STAMBPL1: variants seen among roughly 807,000 people sequenced by gnomAD.
STAMBPL1 encodes STAM binding protein like 1.
STAMBPL1 carries 44 observed loss-of-function variants against 52.9 expected under a neutral mutation model. That is an observed-to-expected ratio of 0.83 (90% CI 0.65 to 1.07). The LOEUF is 1.07. Among genes scored for constraint, STAMBPL1 ranks in the 50% least tolerant of loss-of-function variants. The pLI is 0.00. For synonymous variants in STAMBPL1, 164 were observed against 177.3 expected (o/e 0.92, Z 0.60); for missense variants, 511 against 520.8 (o/e 0.98, Z 0.18).
At chr10:88,912,026 C>T (rs927222285) in intron 5 of STAMBPL1, among the ~76,000 whole-genome samples, 3 of 152,022 alleles carry the variant, frequency 2.0e-5, no homozygotes, top group East Asian at 1.9e-4. Flanking sequence ...GCCTTTGATA[C>T]CAGTCACTTC....
intron 7 of STAMBPL1, among the ~76,000 whole-genome samples, chr10:88,915,394 C>T (rs1023467112): frequency 4.6e-5 from 7 of 152,158 alleles, no homozygotes; most frequent in Admixed American, 3.9e-4. Context: ...ATTCAGTACA[C>T]AATCTCCTGC....
intron 1 of STAMBPL1, among the ~76,000 whole-genome samples, chr10:88,881,526 C>G (rs1260871120): frequency 6.6e-6 from 1 of 152,100 alleles, no homozygotes; most frequent in Non-Finnish European, 1.5e-5. Flanking sequence ...TCATTACTGA[C>G]AATAACATGA....
intron 5 of STAMBPL1, among the ~76,000 whole-genome samples, chr10:88,911,229 C>T (rs1845216053): frequency 6.6e-6 from 1 of 152,146 alleles, no homozygotes; most frequent in African/African-American, 2.4e-5. Flanking sequence ...TCTAACAAAG[C>T]AATGTGTTAG....
chr10:88,896,657 T>G (rs2133149495), intron 1 of STAMBPL1, among the ~76,000 whole-genome samples: 1 of 152,232 alleles, frequency 6.6e-6, no homozygotes, highest in Admixed American at 6.5e-5. Context: ...GGCACTCAAG[T>G]CAAAAGAAGT....
At chr10:88,910,767 A>G in intron 4 of STAMBPL1, 149 bp from the exon 5 acceptor site, 1 of 510,058 alleles carries the variant, frequency 2.0e-6, no homozygotes, top group Non-Finnish European at 3.4e-6. Flanking sequence ...TTGGACCCAT[A>G]AAAAAGAGAT....
intron 5 of STAMBPL1, 48 bp from the exon 6 acceptor site, chr10:88,913,053 G>A (rs1350176663): frequency 1.4e-6 from 2 of 1,474,900 alleles, no homozygotes; most frequent in African/African-American, 2.8e-5. Context: ...CCAGTTCAAT[G>A]TTTCTCCTTG....
Position 88,901,640 on chromosome 10 carries a change from C to G in STAMBPL1, c.-53-16C>G. On this transcript the variant is annotated splice_polypyrimidine_tract_variant and intron_variant, in intron 1 of 10. Coordinates refer to ENST00000371926, the MANE Select transcript of STAMBPL1 (RefSeq NM_020799.4). ...TCAAAAAATAACTTTAGTTCTGCTT[C>G]TTGTTTTTGAAACAGATGAAGTGAT... is the stretch of plus-strand genomic sequence containing the variant. 1 of 1,540,406 alleles carries G rather than the reference C, an allele frequency of 6.5e-7. No individual in the cohort carries two copies. Among genetic ancestry groups the G allele is most frequent in the Non-Finnish European group, 8.8e-7 (1 of 1,132,816 alleles).
chr10:88,896,464 A>G (rs1274569392), intron 1 of STAMBPL1, among the ~76,000 whole-genome samples: 5 of 152,192 alleles, frequency 3.3e-5, no homozygotes, highest in Non-Finnish European at 1.5e-5. Flanking sequence ...AGGCTGAGTT[A>G]CAATAATTTT....
chr10:88,917,485 C>T (rs754607693), intron 8 of STAMBPL1, among the ~76,000 whole-genome samples: 2 of 152,038 alleles, frequency 1.3e-5, no homozygotes, highest in Non-Finnish European at 2.9e-5. Flanking sequence ...ACTATAGGAG[C>T]ATTGGCAAGT....
intron 1 of STAMBPL1, chr10:88,882,495 A>G (rs2133108300): frequency 6.6e-6 from 1 of 152,320 alleles, no homozygotes. Flanking sequence ...TACAGCTACA[A>G]TCCAAGAAAT....
chr10:88,917,007 A>T (rs1589378515), intron 8 of STAMBPL1, among the ~76,000 whole-genome samples, 190 bp downstream of exon 8: 1 of 152,202 alleles, frequency 6.6e-6, no homozygotes, highest in South Asian at 2.1e-4. Context: ...AATAAAGGTC[A>T]TCATATTATA....
At chr10:88,918,292 C>A (rs1298932800) in intron 8 of STAMBPL1, among the ~76,000 whole-genome samples, 1 of 145,818 alleles carries the variant, frequency 6.9e-6, no homozygotes, top group African/African-American at 2.6e-5. Context: ...CACACACACA[C>A]ACACACACAC....
chr10:88,916,936 A>T, intron 8 of STAMBPL1, 119 bp downstream of exon 8: 1 of 1,117,496 alleles, frequency 8.9e-7, no homozygotes, highest in Non-Finnish European at 1.2e-6. Context: ...CAAATGTAAT[A>T]AAGGTTGTCA....
At chr10:88,908,622 G>T in intron 3 of STAMBPL1, 80 bp from the exon 4 acceptor site, 1 of 1,164,282 alleles carries the variant, frequency 8.6e-7, no homozygotes, top group Non-Finnish European at 1.2e-6. Context: ...TTTTGAAAAA[G>T]GATCCTCATT....
intron 1 of STAMBPL1, among the ~76,000 whole-genome samples, chr10:88,883,128 C>T (rs1023201319): frequency 2.7e-5 from 4 of 150,294 alleles, no homozygotes; most frequent in African/African-American, 7.3e-5. Context: ...TTTGCCCTTG[C>T]GATAGTTTGC....
At position 88,901,663 on chromosome 10, in the gene STAMBPL1, G is replaced by T; in HGVS notation, c.-46G>T. ...TTCTTGTTTTTGAAACAGATGAAGT[G>T]ATTGAGAAGAAACAGTGAACATCCT... On this transcript the variant is annotated 5_prime_UTR_variant, in exon 2 of 11. The change abolishes the stop of an existing upstream ORF in the 5' untranslated region. Transcript: ENST00000371926. 2 of 1,589,276 alleles carry T rather than the reference G, an allele frequency of 1.3e-6. No individual in the cohort carries two copies. The highest frequency in any genetic ancestry group is 2.3e-5 in the South Asian group (2 of 86,984).
intron 1 of STAMBPL1, among the ~76,000 whole-genome samples, chr10:88,888,957 T>A (rs1024181656): frequency 2.6e-5 from 4 of 152,238 alleles, no homozygotes; most frequent in Admixed American, 2.0e-4. Flanking sequence ...TCAGTAAATG[T>A]TGTTCCAGAC....
At chr10:88,889,218 A>G (rs969149158) in intron 1 of STAMBPL1, among the ~76,000 whole-genome samples, 11 of 152,158 alleles carry the variant, frequency 7.2e-5, no homozygotes, top group African/African-American at 2.7e-4. Context: ...GTGTGTGTGT[A>G]TATATTAAAT....
chr10:88,899,354 TG>T (rs1844888501), intron 1 of STAMBPL1, among the ~76,000 whole-genome samples: 1 of 152,116 alleles, frequency 6.6e-6, no homozygotes, highest in Non-Finnish European at 1.5e-5. Flanking sequence ...ATCCTTAGGG[TG>T]GGTCTTAGGA....
Sources: allele counts gnomAD v4.1 joint callset (sites outside exome capture counted in the v4.1 genomes callset), GRCh38; gene constraint gnomAD v4.1.1; transcripts MANE v1.5; gene names NCBI Gene and HGNC (gene_info 2026-07-23, HGNC 2026-07-21).